The following METTL9 variants were observed in gnomAD, a reference collection of about 807,000 sequenced individuals.
METTL9 encodes protein-L-histidine N-pros-methyltransferase.
METTL9 carries 10 observed loss-of-function variants against 36.0 expected under a neutral mutation model. The ratio of observed to expected loss-of-function variants is 0.28; its 90% CI spans 0.17 to 0.47. The LOEUF (loss-of-function observed/expected upper bound fraction) is 0.47, where lower values mean the gene tolerates loss of function less well. METTL9 is among the 20% of genes least tolerant of loss of function. The pLI is 0.99. For missense variants in METTL9, 246 were observed against 383.5 expected (o/e 0.64, Z 3.00); for synonymous variants, 175 against 149.7 (o/e 1.17, Z -1.23).
intron 1 of METTL9, among the ~76,000 whole-genome samples, chr16:21,606,703 C>G (rs977646004): frequency 6.6e-5 from 10 of 152,262 alleles, no homozygotes; most frequent in Middle Eastern, 3.4e-3. Context: ...TGTTAGCATA[C>G]AAAAGATACT....
At position 21,656,765 on chromosome 16, in the gene METTL9, G is replaced by C. The variant is rs1966720053; in HGVS notation, c.*1333G>C. 6.6e-6 allele frequency: 1 copy of C among 152,112 alleles called. No homozygotes were observed. Among genetic ancestry groups the C allele is most frequent in the Admixed American group, 6.6e-5 (1 of 15,266 alleles). The allele number at this position is 152,112 out of a possible 1,614,324, so 9.4% of individuals were successfully genotyped here. On this transcript the variant is annotated 3_prime_UTR_variant, in exon 5 of 5. Transcript: ENST00000358154. ...TTCACTCCAACACCTGGGTATAAAG[G>C]CGAATTAAAACCTGAAGAATTACTT...
rs3046231 is a variant in METTL9, at chr16:21,605,257, C to CTTTTTT, written c.165+5393_165+5398dup. Among the ~76,000 whole-genome samples the CTTTTTT allele has an allele frequency of 9.7e-3, 495 of 51,222 alleles. 155 individuals are homozygous for CTTTTTT. Among genetic ancestry groups the CTTTTTT allele is most frequent in the Non-Finnish European group, 0.011 (286 of 25,854 alleles). 33.6% of individuals were successfully genotyped at this position (51,222 alleles called of 152,430 possible). A position where few individuals can be genotyped will look rare whatever the true frequency, so the allele number is the denominator to read the frequency against. On this transcript the variant is annotated intron_variant, in intron 1 of 4. Transcript: ENST00000358154. ...GGGGTGGTAAAAATAGGCTTGCCTT[C>CTTTTTT]TTTTTTTTTTTTTTTTTTTTTTTTT...
intron 4 of METTL9, among the ~76,000 whole-genome samples, chr16:21,635,457 T>G (rs1966065919): frequency 6.6e-6 from 1 of 152,010 alleles, no homozygotes; most frequent in African/African-American, 2.4e-5. Flanking sequence ...GGATGTAAAT[T>G]GCAAGCTCTG....
chr16:21,622,162 T>TTTTTTTTTTTTTTTTTTTTTTTTA (rs71151646), intron 3 of METTL9, among the ~76,000 whole-genome samples: 2 of 135,986 alleles, frequency 1.5e-5, no homozygotes, highest in Non-Finnish European at 3.1e-5. Flanking sequence ...TTTTTTTTTT[T>TTTTTTTTTTTTTTTTTTTTTTTTA]GAGACAGGAT....
chr16:21,645,219 G>T (rs1052487388), intron 4 of METTL9, among the ~76,000 whole-genome samples: 1 of 152,142 alleles, frequency 6.6e-6, no homozygotes, highest in Non-Finnish European at 1.5e-5. Flanking sequence ...TTGAGAGGCC[G>T]AGGTGGGCAG....
intron 1 of METTL9, among the ~76,000 whole-genome samples, chr16:21,603,115 G>T (rs1181996533): frequency 2.6e-5 from 4 of 151,456 alleles, no homozygotes; most frequent in Non-Finnish European, 5.9e-5. Flanking sequence ...TTTTCCAAGA[G>T]AAATTCCCAG....
intron 2 of METTL9, among the ~76,000 whole-genome samples, chr16:21,615,848 G>T (rs1045297445): frequency 1.7e-4 from 26 of 152,092 alleles, no homozygotes; most frequent in African/African-American, 6.3e-4. Context: ...TTTTCTTACT[G>T]TAATATATGA....
upstream of METTL9, among the ~76,000 whole-genome samples, chr16:21,598,547 A>G (rs1486172125): frequency 1.3e-5 from 2 of 152,138 alleles, no homozygotes; most frequent in Non-Finnish European, 2.9e-5. Context: ...CACTTTCCAA[A>G]CAAACCTAGG....
chr16:21,635,467 G>C (rs1175801945), intron 4 of METTL9, among the ~76,000 whole-genome samples: 1 of 151,948 alleles, frequency 6.6e-6, no homozygotes, highest in Non-Finnish European at 1.5e-5. Context: ...TGCAAGCTCT[G>C]TATAGTTGTG....
chr16:21,616,644 T>C (rs1474331136), intron 2 of METTL9, among the ~76,000 whole-genome samples: 1 of 152,260 alleles, frequency 6.6e-6, no homozygotes, highest in Non-Finnish European at 1.5e-5. Context: ...TTAGAAATAA[T>C]AGGACCCAGA....
intron 4 of METTL9, chr16:21,642,073 A>G (rs898119585): frequency 2.0e-5 from 3 of 152,184 alleles, no homozygotes; most frequent in African/African-American, 4.8e-5. Flanking sequence ...TTGGCAGCAC[A>G]TACACTAAAA....
Position 21,612,785 on chromosome 16 carries a change from T to A in METTL9, c.306T>A (p.Ser102=). The change falls in exon 2 of 5, where the codon TCT becomes TCA. Residue 102 remains serine, a synonymous_variant. Coordinates refer to ENST00000358154, the MANE Select transcript of METTL9 (RefSeq NM_016025.5). ...SGWLFIQLYH[S]FVSSVFSLFM... is the part of the protein sequence containing the mutation. ...GGCTATTTATCCAATTATATCATTC[T>A]TTTGTGTCATCTGTTTTTAGCCTGT... 1 of 1,612,668 alleles carries A rather than the reference T, an allele frequency of 6.2e-7. No homozygotes were observed. Among genetic ancestry groups the A allele is most frequent in the Non-Finnish European group, 8.5e-7 (1 of 1,179,586 alleles).
chr16:21,615,668 A>G (rs1263618239), intron 2 of METTL9, among the ~76,000 whole-genome samples: 1 of 152,158 alleles, frequency 6.6e-6, no homozygotes, highest in African/African-American at 2.4e-5. Flanking sequence ...CGCTCTGGGA[A>G]AATTTAAGCA....
In METTL9 at chr16:21,657,353, G is replaced by A. The variant is rs1390646871; in HGVS notation, c.*1921G>A. ...CTATCGGGTCTTGAAATTCTTGGTGGTGTGTCACCATTCCACTAGATGGCA... is the reference window on the plus strand; with the variant it reads ...CTATCGGGTCTTGAAATTCTTGGTGATGTGTCACCATTCCACTAGATGGCA... On this transcript the variant is annotated 3_prime_UTR_variant, in exon 5 of 5. Transcript: ENST00000358154. The A allele has an allele frequency of 6.6e-6, 1 of 152,052 alleles. No individual in the cohort carries two copies. Among genetic ancestry groups the A allele is most frequent in the East Asian group, 1.9e-4 (1 of 5,194 alleles). 9.4% of individuals were successfully genotyped at this position (152,052 alleles called of 1,614,324 possible). A position where few individuals can be genotyped will look rare whatever the true frequency, so the allele number is the denominator to read the frequency against.
At position 21,656,766 on chromosome 16, in the gene METTL9, C is replaced by T. The variant is rs373724517; in HGVS notation, c.*1334C>T. ...TCACTCCAACACCTGGGTATAAAGGCGAATTAAAACCTGAAGAATTACTTT... is the reference window on the plus strand; with the variant it reads ...TCACTCCAACACCTGGGTATAAAGGTGAATTAAAACCTGAAGAATTACTTT... On this transcript the variant is annotated 3_prime_UTR_variant, in exon 5 of 5. Transcript: ENST00000358154. 3.4e-4 allele frequency: 51 copies of T among 152,204 alleles called. 1 individual carries two copies. Among genetic ancestry groups the T allele is most frequent in the Admixed American group, 9.8e-4 (15 of 15,280 alleles). The allele number at this position is 152,204 out of a possible 1,614,324, so 9.4% of individuals were successfully genotyped here.
chr16:21,599,877 C>T lies in METTL9; in HGVS notation c.144C>T (p.Gly48=). 1.4e-6 allele frequency: 2 copies of T among 1,471,654 alleles called. No individual in the cohort carries two copies. Among genetic ancestry groups the T allele is most frequent in the East Asian group, 3.0e-5 (1 of 33,564 alleles). The allele number at this position is 1,471,654 out of a possible 1,614,324, so 91.2% of individuals were successfully genotyped here. Residue 48 remains glycine (G), a synonymous_variant, in exon 1 of 5, where the codon GGC becomes GGT. Coordinates refer to ENST00000358154, the MANE Select transcript of METTL9 (RefSeq NM_016025.5). The surrounding 1 kb of genome is among the most constrained non-coding windows in gnomAD (Gnocchi z 4.4). The part of the protein sequence containing the change: ...SGPGGPAAAA[G]GRKENHQWYV... ...CGGGTGGGCCGGCGGCGGCCGCGGG[C>T]GGCAGGAAGGAGAACCACCAGGTAC...
intron 3 of METTL9, among the ~76,000 whole-genome samples, chr16:21,618,802 C>T (rs1965620813): frequency 6.6e-6 from 1 of 152,026 alleles, no homozygotes; most frequent in African/African-American, 2.4e-5. Flanking sequence ...CAACCTCTAC[C>T]TCTCAGGTTC....
chr16:21,599,972 G>C lies in METTL9; in HGVS notation c.165+74G>C. ...CCCGCGCTGGGCCCGGCTATTGTGC[G>C]GGACGGCTCCGCGAGGGGGCGGCCC... On this transcript the variant is annotated intron_variant, in intron 1 of 4. Coordinates refer to ENST00000358154, the MANE Select transcript of METTL9 (RefSeq NM_016025.5). The surrounding 1 kb of genome is among the most constrained non-coding windows in gnomAD (Gnocchi z 4.4). 2 of 1,187,896 alleles carry C rather than the reference G, an allele frequency of 1.7e-6. No homozygotes were observed. Among genetic ancestry groups the C allele is most frequent in the Non-Finnish European group, 2.1e-6 (2 of 954,234 alleles). 73.6% of individuals were successfully genotyped at this position (1,187,896 alleles called of 1,614,324 possible).
At chr16:21,644,466 A>G (rs1361107257) in intron 4 of METTL9, 4 of 1,093,868 alleles carry the variant, frequency 3.7e-6, no homozygotes, top group Non-Finnish European at 5.5e-6. Context: ...TGTGTAAAGT[A>G]TCCTTCACAC....
Sources: gnomAD v4.1 joint callset for allele counts (sites outside exome capture counted in the v4.1 genomes callset) on GRCh38, gnomAD v4.1.1 for gene constraint, Gnocchi (gnomAD v3.1) non-coding constraint, MANE v1.5 for transcripts, NCBI Gene and HGNC (gene_info 2026-07-23, HGNC 2026-07-21) for gene names.